ATP9B: variants seen among roughly 807,000 people sequenced by gnomAD.
ATP9B encodes ATPase phospholipid transporting 9B, also known as probable phospholipid-transporting ATPase IIB.
A neutral mutation model predicts 146.1 loss-of-function variants in ATP9B; 110 were observed. The observed-to-expected ratio is 0.75, with a 90% CI of 0.65 to 0.88. The LOEUF is 0.88. Ranked by LOEUF, ATP9B falls within the 40% of genes least tolerant of loss-of-function variation. The probability of loss-of-function intolerance (pLI) is 0.00; values close to 1 mark genes in which losing one functional copy is unlikely to be tolerated. For synonymous variants in ATP9B, 604 were observed against 569.7 expected (o/e 1.06, Z -0.86); for missense variants, 1,499 against 1,496.4 (o/e 1.00, Z -0.03).
chr18:79,193,576 A>G (rs1417265680), intron 9 of ATP9B, among the ~76,000 whole-genome samples: 1 of 152,194 alleles, frequency 6.6e-6, no homozygotes, highest in Non-Finnish European at 1.5e-5. Flanking sequence ...TATCTTATCC[A>G]CATCATGTCT....
chr18:79,246,806 G>A (rs1044132030), intron 11 of ATP9B, among the ~76,000 whole-genome samples: 36 of 152,324 alleles, frequency 2.4e-4, no homozygotes, highest in South Asian at 1.7e-3. Context: ...TGAGACAGAC[G>A]TGAGCACCGC....
At chr18:79,334,735 C>G (rs1188932138) in intron 17 of ATP9B, among the ~76,000 whole-genome samples, 2 of 152,140 alleles carry the variant, frequency 1.3e-5, no homozygotes, top group Non-Finnish European at 2.9e-5. Flanking sequence ...ACGCCTGGCC[C>G]CCAGGAGACC....
chr18:79,147,404 G>GT (rs2094609381), intron 6 of ATP9B, among the ~76,000 whole-genome samples: 1 of 152,194 alleles, frequency 6.6e-6, no homozygotes, highest in African/African-American at 2.4e-5. Context: ...TATTTCAAGT[G>GT]TCTATAGAAC....
intron 2 of ATP9B, among the ~76,000 whole-genome samples, chr18:79,103,328 A>G (rs1205096424): frequency 6.6e-6 from 1 of 150,830 alleles, no homozygotes; most frequent in Non-Finnish European, 1.5e-5. Flanking sequence ...AAGCATTGGC[A>G]GGAGAAGTGG....
intron 5 of ATP9B, among the ~76,000 whole-genome samples, chr18:79,134,704 GT>G (rs1472465553): frequency 7.1e-6 from 1 of 140,998 alleles, no homozygotes. Context: ...AATACCTTTT[GT>G]TTCTTTATCT....
At position 79,375,438 on chromosome 18, in the gene ATP9B, TATC is replaced by T. The variant is rs764653351; in HGVS notation, c.3307+15_3307+17del. ...TGGAGCTTTCTTAGGTAGGTAAAGT[TATC>T]ATTTCTTTCAAAAGTGTAGAAATTT... On this transcript the variant is annotated intron_variant, in intron 29 of 29. Coordinates refer to ENST00000426216, the MANE Select transcript of ATP9B (RefSeq NM_198531.5). 14 of 1,611,800 alleles carry T rather than the reference TATC, an allele frequency of 8.7e-6. No homozygotes were observed. Among genetic ancestry groups the T allele is most frequent in the East Asian group, 2.2e-5 (1 of 44,868 alleles).
chr18:79,078,986 T>G lies in ATP9B; in HGVS notation c.119+9457T>G, dbSNP rs147461549. ...TTCGTCCATGTCCACGCAAAGGACA[T>G]GAACTCATCCTTTTTTATGGCTGCA... is the stretch of plus-strand genomic sequence containing the variant. On this transcript the variant is annotated intron_variant, in intron 1 of 29. Transcript: ENST00000426216. 3.6e-3 allele frequency among the ~76,000 whole-genome samples: 545 copies of G among 152,350 alleles called. 2 individuals are homozygous for G. The highest frequency in any genetic ancestry group is 6.4e-3 in the Non-Finnish European group (437 of 68,034).
At chr18:79,155,947 A>G (rs1204853389) in intron 7 of ATP9B, among the ~76,000 whole-genome samples, 2 of 151,642 alleles carry the variant, frequency 1.3e-5, no homozygotes, top group Non-Finnish European at 2.9e-5. Flanking sequence ...TATTTTTAGT[A>G]GAGACGGGGT....
At chr18:79,323,666 C>T (rs1178113700) in intron 15 of ATP9B, among the ~76,000 whole-genome samples, 4 of 152,178 alleles carry the variant, frequency 2.6e-5, no homozygotes, top group African/African-American at 9.7e-5. Context: ...CTGAATAATA[C>T]TCCATTGTGT....
intron 10 of ATP9B, among the ~76,000 whole-genome samples, chr18:79,213,349 T>C (rs2095600547): frequency 6.6e-6 from 1 of 151,820 alleles, no homozygotes; most frequent in Non-Finnish European, 1.5e-5. Flanking sequence ...ACCAAGGATA[T>C]TTTATTATTC....
intron 12 of ATP9B, among the ~76,000 whole-genome samples, chr18:79,265,318 G>A (rs1056636702): frequency 3.3e-5 from 5 of 152,098 alleles, no homozygotes; most frequent in Non-Finnish European, 5.9e-5. Context: ...TATCCAGTCT[G>A]TCATTGATGG....
chr18:79,343,970 C>G (rs1360876171), intron 20 of ATP9B: 3 of 476,602 alleles, frequency 6.3e-6, no homozygotes, highest in African/African-American at 5.9e-5. Flanking sequence ...TCATAGGCAC[C>G]CTTTACACAA....
At chr18:79,173,893 C>A (rs1487149776) in intron 7 of ATP9B, among the ~76,000 whole-genome samples, 1 of 152,122 alleles carries the variant, frequency 6.6e-6, no homozygotes, top group Non-Finnish European at 1.5e-5. Context: ...AGAAAGTCTT[C>A]ATGGGACAAT....
rs75235036 is a variant in ATP9B, at chr18:79,245,702, C to T, written c.1108-7679C>T. On this transcript the variant is annotated intron_variant, in intron 11 of 29. Transcript: ENST00000426216. ...GGAGGGCACCGCCCTACTGACTGTG[C>T]GGAGGGTACCGCCCTACTGACTGTG... Among the ~76,000 whole-genome samples, 590 of 135,426 alleles carry T rather than the reference C, an allele frequency of 4.4e-3. 7 individuals are homozygous for T. Among genetic ancestry groups the T allele is most frequent in the South Asian group, 9.3e-3 (38 of 4,082 alleles). 88.8% of individuals were successfully genotyped at this position (135,426 alleles called of 152,430 possible).
At chr18:79,329,639 A>G (rs1361382329) in intron 16 of ATP9B, among the ~76,000 whole-genome samples, 2 of 152,230 alleles carry the variant, frequency 1.3e-5, no homozygotes, top group Non-Finnish European at 2.9e-5. Flanking sequence ...ATTTATGACC[A>G]TAAAGTTGCC....
intron 28 of ATP9B, among the ~76,000 whole-genome samples, chr18:79,374,604 T>C (rs2097092974): frequency 6.6e-6 from 1 of 152,164 alleles, no homozygotes; most frequent in Non-Finnish European, 1.5e-5. Flanking sequence ...TCGGGAGCAG[T>C]TGGGACTCAG....
intron 11 of ATP9B, among the ~76,000 whole-genome samples, chr18:79,232,412 A>T (rs536129955): frequency 6.6e-6 from 1 of 152,370 alleles, no homozygotes; most frequent in Non-Finnish European, 1.5e-5. Flanking sequence ...AGTCAGGGGC[A>T]TAGGCAAAAC....
intron 3 of ATP9B, 60 bp downstream of exon 3, chr18:79,110,565 T>A (rs758584105): frequency 3.2e-5 from 48 of 1,518,018 alleles, no homozygotes; most frequent in Non-Finnish European, 3.8e-5. Flanking sequence ...CTTCCTTTGC[T>A]ATAGGATGGA....
intron 8 of ATP9B, among the ~76,000 whole-genome samples, chr18:79,192,128 C>G (rs2095372526): frequency 6.6e-6 from 1 of 152,146 alleles, no homozygotes; most frequent in South Asian, 2.1e-4. Flanking sequence ...TCGGCCCCTT[C>G]TGAGGCACTC....
Sources: allele counts gnomAD v4.1 joint callset (sites outside exome capture counted in the v4.1 genomes callset), GRCh38; gene constraint gnomAD v4.1.1; transcripts MANE v1.5; gene names NCBI Gene and HGNC (gene_info 2026-07-23, HGNC 2026-07-21).